The following STK32B variants were observed in gnomAD, a reference collection of about 807,000 sequenced individuals.
STK32B encodes serine/threonine kinase 32B, also known as serine/threonine-protein kinase 32B.
In STK32B, 43 loss-of-function variants were observed where a neutral mutation model predicts 52.6. That is an observed-to-expected ratio of 0.82 (90% CI 0.64 to 1.05). The LOEUF (loss-of-function observed/expected upper bound fraction) is 1.05, where lower values mean the gene tolerates loss of function less well. STK32B is among the 50% of genes least tolerant of loss of function. STK32B has a pLI of 0.00. For missense variants in STK32B, 621 were observed against 534.6 expected (o/e 1.16, Z -1.59); for synonymous variants, 238 against 204.3 (o/e 1.17, Z -1.41).
intron 7 of STK32B, among the ~76,000 whole-genome samples, chr4:5,450,882 G>A (rs1715926807): frequency 6.6e-6 from 1 of 152,176 alleles, no homozygotes; most frequent in African/African-American, 2.4e-5. Flanking sequence ...GGCACTGAGA[G>A]CAGAGGCTGG....
intron 1 of STK32B, among the ~76,000 whole-genome samples, chr4:5,078,185 G>C (rs983005593): frequency 1.3e-5 from 2 of 152,116 alleles, no homozygotes; most frequent in African/African-American, 4.8e-5. Context: ...GCTATGTGCA[G>C]ACTTCCCCTT....
At chr4:5,217,212 C>T (rs999717924) in intron 3 of STK32B, among the ~76,000 whole-genome samples, 7 of 152,090 alleles carry the variant, frequency 4.6e-5, no homozygotes, top group Non-Finnish European at 1.0e-4. Context: ...TTAGAGGAGG[C>T]ATAATTTTTC....
At chr4:5,315,292 G>C (rs1345414253) in intron 3 of STK32B, among the ~76,000 whole-genome samples, 1 of 152,128 alleles carries the variant, frequency 6.6e-6, no homozygotes, top group Non-Finnish European at 1.5e-5. Context: ...CTACACACCT[G>C]TCAGAATGGC....
intron 4 of STK32B, among the ~76,000 whole-genome samples, chr4:5,397,525 A>T (rs758143275): frequency 6.6e-6 from 1 of 152,220 alleles, no homozygotes; most frequent in Non-Finnish European, 1.5e-5. Flanking sequence ...ATTTTGTCCC[A>T]TGTGGGTCAC....
At chr4:5,241,819 A>T (rs369489726) in intron 3 of STK32B, among the ~76,000 whole-genome samples, 27 of 152,256 alleles carry the variant, frequency 1.8e-4, no homozygotes, top group African/African-American at 5.3e-4. Context: ...CAGTGAGAAC[A>T]TGCGGTGTTT....
At chr4:5,110,459 C>A (rs1714341436) in intron 1 of STK32B, among the ~76,000 whole-genome samples, 1 of 151,568 alleles carries the variant, frequency 6.6e-6, no homozygotes, top group Non-Finnish European at 1.5e-5. Context: ...AGCCACATAC[C>A]TGCAACCAAC....
At chr4:5,304,721 T>C (rs1202145539) in intron 3 of STK32B, among the ~76,000 whole-genome samples, 3 of 152,080 alleles carry the variant, frequency 2.0e-5, no homozygotes, top group Admixed American at 6.6e-5. Flanking sequence ...AGTACTATGC[T>C]GAATAGAAGT....
chr4:5,144,796 C>T (rs113431411), intron 2 of STK32B, among the ~76,000 whole-genome samples: 7,771 of 123,792 alleles, frequency 0.063, 239 homozygotes, highest in South Asian at 0.13. Flanking sequence ...ATCCATCCAT[C>T]CATCCATCCA....
intron 2 of STK32B, among the ~76,000 whole-genome samples, chr4:5,152,459 A>T (rs958723866): frequency 6.6e-6 from 1 of 152,214 alleles, no homozygotes; most frequent in Admixed American, 6.5e-5. Flanking sequence ...CAAACTGTTT[A>T]TTTGAAGATG....
rs112501589 is a variant in STK32B at position 5,111,332 on chromosome 4, A to G, written c.53-28573A>G. Among the ~76,000 whole-genome samples, 5 of 152,274 alleles carry G rather than the reference A, an allele frequency of 3.3e-5. No homozygotes were observed. The South Asian group carries it at 1.0e-3, about 32-fold the overall frequency. ...GCACTTGTATGTTTAGTGCAACACT[A>G]TTTATAATAGCAGAGTCACAGAACC... On this transcript the variant is annotated intron_variant, in intron 1 of 11. Coordinates refer to ENST00000282908, the MANE Select transcript of STK32B (RefSeq NM_018401.3).
intron 3 of STK32B, among the ~76,000 whole-genome samples, chr4:5,230,208 T>TTTTTTTTTTTTTTTTTG (rs58022709): frequency 9.7e-6 from 1 of 103,474 alleles, no homozygotes; most frequent in African/African-American, 3.3e-5. Context: ...TTTTTTTTTT[T>TTTTTTTTTTTTTTTTTG]TAGTGGAGTC....
At position 5,436,406 on chromosome 4, in the gene STK32B, G is replaced by A. The variant is rs1410238183; in HGVS notation, c.563-10267G>A. ...AACTACACAGGTTTAGAGCTGAAAG[G>A]ACATGGATCCAGTGGCATTGCAAGG... On this transcript the variant is annotated intron_variant, in intron 6 of 11. Coordinates refer to ENST00000282908, the MANE Select transcript of STK32B (RefSeq NM_018401.3). Among the ~76,000 whole-genome samples the A allele has an allele frequency of 2.0e-5, 3 of 152,200 alleles. No individual in the cohort carries two copies. The East Asian group carries it at 5.8e-4, about 29-fold the overall frequency.
At chr4:5,465,199 G>A (rs1412656363) in intron 9 of STK32B, among the ~76,000 whole-genome samples, 1 of 152,100 alleles carries the variant, frequency 6.6e-6, no homozygotes, top group Non-Finnish European at 1.5e-5. Context: ...ACAACAACTC[G>A]GTAACATTTA....
intron 1 of STK32B, chr4:5,127,054 C>T (rs947179513): frequency 2.2e-5 from 11 of 493,452 alleles, no homozygotes; most frequent in South Asian, 4.5e-5. Context: ...GATAAAGGTG[C>T]CATGGACATT....
intron 11 of STK32B, among the ~76,000 whole-genome samples, chr4:5,478,095 T>C (rs147591453): frequency 3.6e-4 from 55 of 152,250 alleles, no homozygotes; most frequent in African/African-American, 1.2e-3. Flanking sequence ...ATCTGAACTC[T>C]CAACTCCCCT....
intron 3 of STK32B, 98 bp downstream of exon 3, chr4:5,168,548 A>T: frequency 1.5e-6 from 2 of 1,373,978 alleles, no homozygotes; most frequent in Non-Finnish European, 1.9e-6. Context: ...TTGTAAAGGG[A>T]AAGGGATGCA....
intron 4 of STK32B, among the ~76,000 whole-genome samples, chr4:5,331,770 G>T (rs1243963590): frequency 2.0e-5 from 3 of 152,134 alleles, no homozygotes; most frequent in Non-Finnish European, 4.4e-5. Flanking sequence ...TCTGTACTTA[G>T]AAATCAGTGC....
chr4:5,324,785 A>G (rs985131831), intron 3 of STK32B, among the ~76,000 whole-genome samples: 2 of 152,178 alleles, frequency 1.3e-5, no homozygotes, highest in Non-Finnish European at 2.9e-5. Flanking sequence ...GGAATAAGGA[A>G]TATTGTGGGT....
intron 3 of STK32B, among the ~76,000 whole-genome samples, chr4:5,191,435 T>A (rs965208983): frequency 1.3e-5 from 2 of 152,000 alleles, no homozygotes; most frequent in African/African-American, 4.8e-5. Context: ...TGTATTTTTT[T>A]AGTAGAGACA....
Sources: gnomAD v4.1 joint callset for allele counts (sites outside exome capture counted in the v4.1 genomes callset) on GRCh38, gnomAD v4.1.1 for gene constraint, MANE v1.5 for transcripts, NCBI Gene and HGNC (gene_info 2026-07-23, HGNC 2026-07-21) for gene names.